Variants in LARGE1 observed in about 807,000 individuals in gnomAD.
LARGE1 encodes the protein xylosyl- and glucuronyltransferase LARGE1.
LARGE1 carries 43 observed loss-of-function variants against 87.6 expected under a neutral mutation model. That is an observed-to-expected ratio of 0.49 (90% CI 0.38 to 0.63). LARGE1 has a LOEUF of 0.63. LARGE1 is among the 30% of genes least tolerant of loss of function. The probability of loss-of-function intolerance (pLI) is 0.00; values close to 1 mark genes in which losing one functional copy is unlikely to be tolerated. For missense variants in LARGE1, 802 were observed against 1,000.2 expected, an observed-to-expected ratio of 0.80 and a Z score of 2.67; for synonymous variants, 434 against 394.6, an observed-to-expected ratio of 1.10 and a Z score of -1.18.
chr22:33,322,643 C>T (rs1262690269), intron 10 of LARGE1: 1 of 152,166 alleles, frequency 6.6e-6, no homozygotes, highest in African/African-American at 2.4e-5. Flanking sequence ...CCAAAGTACA[C>T]CTTGCCCTAG....
At chr22:33,380,788 T>C (rs2065130610) in intron 9 of LARGE1, among the ~76,000 whole-genome samples, 2 of 152,266 alleles carry the variant, frequency 1.3e-5, no homozygotes, top group African/African-American at 4.8e-5. Context: ...AAACTTTATA[T>C]GGAACAAATT....
rs142496449 is a variant in LARGE1, at chr22:33,373,570, C to A, written c.1131+8349G>T. 4.3e-4 allele frequency among the ~76,000 whole-genome samples: 65 copies of A among 152,122 alleles called. 1 individual carries two copies. Among genetic ancestry groups the A allele is most frequent in the Non-Finnish European group, 1.5e-4 (10 of 68,032 alleles). ...TCATACATCATTGCCTTCTGCTCTT[C>A]GTCTTTCTACCCTTGAGAAGGCCTG... On this transcript the variant is annotated intron_variant, in intron 9 of 14. Coordinates refer to ENST00000397394, the MANE Select transcript of LARGE1 (RefSeq NM_133642.5).
At chr22:33,320,011 G>T (rs1480775691) in intron 10 of LARGE1, among the ~76,000 whole-genome samples, 1 of 152,168 alleles carries the variant, frequency 6.6e-6, no homozygotes, top group Non-Finnish European at 1.5e-5. Context: ...GGGATATTCA[G>T]CTTTTCAAGT....
At chr22:33,703,612 G>A (rs2082467465) in intron 2 of LARGE1, among the ~76,000 whole-genome samples, 1 of 152,218 alleles carries the variant, frequency 6.6e-6, no homozygotes, top group South Asian at 2.1e-4. Flanking sequence ...GGGAATGTTG[G>A]TGTGATAATG....
At chr22:33,333,914 T>C (rs1194721795) in intron 10 of LARGE1, among the ~76,000 whole-genome samples, 1 of 138,296 alleles carries the variant, frequency 7.2e-6, no homozygotes, top group African/African-American at 2.7e-5. Context: ...AGGTCAGGAG[T>C]TCGAGACCAG....
chr22:33,314,317 C>G (rs923028631), intron 11 of LARGE1, among the ~76,000 whole-genome samples: 1 of 152,140 alleles, frequency 6.6e-6, no homozygotes, highest in East Asian at 1.9e-4. Flanking sequence ...GCCCCTGAAG[C>G]CATTGAATTA....
chr22:33,242,582 T>C (rs1220045296), intron 11 of LARGE1, among the ~76,000 whole-genome samples: 1 of 152,162 alleles, frequency 6.6e-6, no homozygotes, highest in East Asian at 1.9e-4. Flanking sequence ...GTTTTTTTCA[T>C]ATATATGTTA....
At chr22:33,618,271 G>A (rs2079639235) in intron 4 of LARGE1, among the ~76,000 whole-genome samples, 1 of 152,298 alleles carries the variant, frequency 6.6e-6, no homozygotes, top group African/African-American at 2.4e-5. Context: ...TTCCAAAAGA[G>A]AAGAACAGAG....
chr22:33,420,672 A>G (rs1030615989), intron 7 of LARGE1, among the ~76,000 whole-genome samples: 6 of 152,114 alleles, frequency 3.9e-5, no homozygotes, highest in African/African-American at 1.4e-4. Flanking sequence ...CAGGGTTCCC[A>G]TTTGTCTTGT....
Position 33,461,000 on chromosome 22 carries a change from T to C in LARGE1, c.788-28735A>G, listed in dbSNP as rs1234408641. On this transcript the variant is annotated intron_variant, in intron 6 of 14. Coordinates refer to ENST00000397394, the MANE Select transcript of LARGE1 (RefSeq NM_133642.5). ...AATACAAATCCTATCTAGAGGACTG[T>C]ATTTTAAAACCTGGCCTCAAAGATA... is the stretch of plus-strand genomic sequence containing the variant. 2.1e-5 allele frequency among the ~76,000 whole-genome samples: 3 copies of C among 146,138 alleles called. No homozygotes were observed. The Admixed American group carries it at 2.1e-4, about 10-fold the overall frequency.
intron 6 of LARGE1, among the ~76,000 whole-genome samples, chr22:33,459,782 G>A (rs1417642163): frequency 6.7e-6 from 1 of 149,874 alleles, no homozygotes; most frequent in African/African-American, 2.5e-5. Context: ...CTGTAAGCTG[G>A]TCCATAGTGG....
At chr22:33,781,958 T>TAC (rs894023921) in intron 1 of LARGE1, among the ~76,000 whole-genome samples, 14 of 151,794 alleles carry the variant, frequency 9.2e-5, no homozygotes, top group African/African-American at 2.9e-4. Context: ...TATATATATA[T>TAC]ACACACACAC....
chr22:33,405,407 C>T (rs939855518), intron 7 of LARGE1, among the ~76,000 whole-genome samples: 1 of 152,216 alleles, frequency 6.6e-6, no homozygotes, highest in African/African-American at 2.4e-5. Flanking sequence ...TGGCTGGCTT[C>T]AGGACACGCT....
At chr22:33,275,534 A>T (rs1191371912) in intron 14 of LARGE1, among the ~76,000 whole-genome samples, 1 of 152,164 alleles carries the variant, frequency 6.6e-6, no homozygotes, top group African/African-American at 2.4e-5. Context: ...AACCATCAAA[A>T]GAAAATGCAA....
chr22:33,100,584 T>C, the LARGE1 span, among the ~76,000 whole-genome samples: 1 of 152,132 alleles, frequency 6.6e-6, no homozygotes, highest in Non-Finnish European at 1.5e-5. Flanking sequence ...ATAATATTTT[T>C]AGAGTGGTGC....
At chr22:33,764,444 C>T (rs572638281) in intron 1 of LARGE1, among the ~76,000 whole-genome samples, 26 of 152,244 alleles carry the variant, frequency 1.7e-4, no homozygotes, top group Non-Finnish European at 3.4e-4. Context: ...TCAAAATCAT[C>T]TCTAGATTAC....
At chr22:33,874,135 C>A (rs564206462) in intron 1 of LARGE1, among the ~76,000 whole-genome samples, 2 of 152,232 alleles carry the variant, frequency 1.3e-5, no homozygotes, top group Non-Finnish European at 2.9e-5. Flanking sequence ...CTCTGTCCAA[C>A]GCAAAACCTC....
intron 11 of LARGE1, among the ~76,000 whole-genome samples, chr22:33,241,698 A>C (rs1926531762): frequency 6.6e-6 from 1 of 151,992 alleles, no homozygotes; most frequent in African/African-American, 2.4e-5. Context: ...AATACTATTC[A>C]GCCTTAAAAA....
At position 33,865,832 on chromosome 22, in the gene LARGE1, C is replaced by CTTTTTTTTTTTTTTTTTTTTTTT. The variant is rs3072359; in HGVS notation, c.-83+54140_-83+54162dup. Among the ~76,000 whole-genome samples the CTTTTTTTTTTTTTTTTTTTTTTT allele has an allele frequency of 2.1e-4, 6 of 28,394 alleles. 2 individuals are homozygous for CTTTTTTTTTTTTTTTTTTTTTTT. The highest frequency in any genetic ancestry group is 6.4e-4 in the African/African-American group (6 of 9,350). 18.6% of individuals were successfully genotyped at this position (28,394 alleles called of 152,430 possible). A position where few individuals can be genotyped will look rare whatever the true frequency, so the allele number is the denominator to read the frequency against. On this transcript the variant is annotated intron_variant, in intron 1 of 14. Coordinates refer to ENST00000397394, the MANE Select transcript of LARGE1 (RefSeq NM_133642.5). ...TAAGCATTCAATGTTAGCTGTTATTCTTTTTTTTTTTTTTTTTTTTTTTTT... is the reference window on the plus strand; with the variant it reads ...TAAGCATTCAATGTTAGCTGTTATTCTTTTTTTTTTTTTTTTTTTTTTTTTTTTTTTTTTTTTTTTTTTTTTTT...
Sources: gnomAD v4.1 joint callset for allele counts (sites outside exome capture counted in the v4.1 genomes callset) on GRCh38, gnomAD v4.1.1 for gene constraint, MANE v1.5 for transcripts, NCBI Gene and HGNC (gene_info 2026-07-23, HGNC 2026-07-21) for gene names.